The following KIAA1217 variants were observed in gnomAD, a reference collection of about 807,000 sequenced individuals.
The protein encoded by KIAA1217 is KIAA1217.
A neutral mutation model predicts 163.9 loss-of-function variants in KIAA1217; 88 were observed. The observed-to-expected ratio is 0.54, with a 90% CI of 0.45 to 0.64. The LOEUF (loss-of-function observed/expected upper bound fraction) is 0.64. Among genes scored for constraint, KIAA1217 ranks in the 30% least tolerant of loss-of-function variants. KIAA1217 has a pLI of 0.00. For missense variants in KIAA1217, 2,372 were observed against 2,475.0 expected (o/e 0.96, Z 0.88); for synonymous variants, 903 against 923.1 (o/e 0.98, Z 0.39).
intron 3 of KIAA1217, among the ~76,000 whole-genome samples, chr10:24,420,089 A>T (rs1463099215): frequency 2.0e-5 from 3 of 152,150 alleles, no homozygotes; most frequent in Non-Finnish European, 2.9e-5. Context: ...TAAAAGACGT[A>T]GCTAGGTATG....
In KIAA1217 at chr10:23,993,714, C is replaced by A. The variant is rs142720423; in HGVS notation, c.-320-13511C>A. ...GAAATTACAAGTGCATGCTACCACACCCAGCTAATTTTTGTGTTTTCATCA... is the reference window on the plus strand; with the variant it reads ...GAAATTACAAGTGCATGCTACCACAACCAGCTAATTTTTGTGTTTTCATCA... On this transcript the variant is annotated intron_variant, in intron 1 of 18. Transcript: ENST00000376462. Among the ~76,000 whole-genome samples, 148 of 151,906 alleles carry A rather than the reference C, an allele frequency of 9.7e-4. 1 individual carries two copies. Among genetic ancestry groups the A allele is most frequent in the African/African-American group, 3.4e-3 (139 of 41,394 alleles).
intron 1 of KIAA1217, among the ~76,000 whole-genome samples, chr10:23,934,037 G>T (rs1467274583): frequency 6.6e-6 from 1 of 152,136 alleles, no homozygotes; most frequent in African/African-American, 2.4e-5. Flanking sequence ...CCCATTCCTG[G>T]ATATGCACTC....
chr10:23,711,110 G>A (rs944187128), intron 1 of KIAA1217, among the ~76,000 whole-genome samples: 1 of 152,030 alleles, frequency 6.6e-6, no homozygotes, highest in Admixed American at 6.6e-5. Context: ...AGATCTTCTG[G>A]GCCATCCCCA....
chr10:24,135,923 A>G (rs947247305), intron 2 of KIAA1217, among the ~76,000 whole-genome samples: 1 of 152,220 alleles, frequency 6.6e-6, no homozygotes, highest in Non-Finnish European at 1.5e-5. Flanking sequence ...TATAGGTATT[A>G]CAACTTTCAT....
intron 3 of KIAA1217, among the ~76,000 whole-genome samples, chr10:24,411,906 G>A (rs796918065): frequency 6.6e-6 from 1 of 152,024 alleles, no homozygotes; most frequent in African/African-American, 2.4e-5. Context: ...TCGCTAATGG[G>A]AATTGATGCT....
rs929208823 is a variant in KIAA1217 at position 24,535,283 on chromosome 10, G to A, written c.3415-1491G>A. On this transcript the variant is annotated intron_variant, in intron 16 of 20. Coordinates refer to ENST00000376454, the MANE Select transcript of KIAA1217 (RefSeq NM_019590.5). The stretch of plus-strand genomic sequence containing the variant: ...AACAGCAAGGAGACCAGGTACAGCA[G>A]AGACAGGGGAGCAAACAGTCATGGA... Among the ~76,000 whole-genome samples, 4 of 152,318 alleles carry A rather than the reference G, an allele frequency of 2.6e-5. No homozygotes were observed. In the South Asian group the frequency reaches 8.3e-4, roughly 32 times the overall value.
chr10:23,945,815 G>T (rs779830319), intron 1 of KIAA1217, among the ~76,000 whole-genome samples: 23 of 152,088 alleles, frequency 1.5e-4, no homozygotes, highest in Non-Finnish European at 2.6e-4. Context: ...AATATGACAG[G>T]GGTGTGACAG....
intron 2 of KIAA1217, among the ~76,000 whole-genome samples, chr10:24,054,547 G>A (rs1043670902): frequency 6.6e-6 from 1 of 152,154 alleles, no homozygotes; most frequent in African/African-American, 2.4e-5. Flanking sequence ...AAAACTCCAG[G>A]CCAGGGTATT....
intron 1 of KIAA1217, among the ~76,000 whole-genome samples, chr10:23,882,791 C>G (rs1281204962): frequency 6.6e-6 from 1 of 151,914 alleles, no homozygotes; most frequent in East Asian, 1.9e-4. Flanking sequence ...AAACCCTGCT[C>G]TTTGTGAGGT....
At chr10:24,182,283 A>G (rs1233569198) in intron 2 of KIAA1217, among the ~76,000 whole-genome samples, 1 of 152,166 alleles carries the variant, frequency 6.6e-6, no homozygotes, top group African/African-American at 2.4e-5. Context: ...TAAAAATACG[A>G]AAATTAGCTG....
chr10:24,125,613 C>T (rs2063446077), intron 2 of KIAA1217, among the ~76,000 whole-genome samples: 1 of 152,050 alleles, frequency 6.6e-6, no homozygotes, highest in Non-Finnish European at 1.5e-5. Context: ...AAGATTTTCA[C>T]AATGCACTCC....
chr10:24,111,184 A>G (rs893183433), intron 2 of KIAA1217, among the ~76,000 whole-genome samples: 1 of 152,240 alleles, frequency 6.6e-6, no homozygotes, highest in African/African-American at 2.4e-5. Flanking sequence ...GAGCAAAAGA[A>G]TAATATCCTG....
chr10:24,423,429 C>T (rs947608731), intron 3 of KIAA1217, among the ~76,000 whole-genome samples: 53 of 151,898 alleles, frequency 3.5e-4, no homozygotes, highest in African/African-American at 1.0e-3. Flanking sequence ...GAATTACAGG[C>T]GCACACCACC....
rs536931456 is a variant in KIAA1217, at chr10:23,862,837, CT to C, written c.-320-144387del. On this transcript the variant is annotated intron_variant, in intron 1 of 18. Coordinates refer to the KIAA1217 transcript ENST00000376462. The stretch of plus-strand genomic sequence containing the variant: ...GAAGCAAGATATTCTAACTGCTTTT[CT>C]GTTTTTCTTCTTGCCTTGATGCTAC... Among the ~76,000 whole-genome samples the C allele has an allele frequency of 2.1e-4, 32 of 152,110 alleles. 1 individual carries two copies. The highest frequency in any genetic ancestry group is 5.3e-4 in the African/African-American group (22 of 41,520).
chr10:24,522,620 A>G (rs2071456391), intron 12 of KIAA1217, among the ~76,000 whole-genome samples: 1 of 152,236 alleles, frequency 6.6e-6, no homozygotes, highest in Non-Finnish European at 1.5e-5. Context: ...ACCAAAAGAC[A>G]TTCAGGAATT....
intron 1 of KIAA1217, among the ~76,000 whole-genome samples, chr10:23,834,155 CT>C (rs1381232097): frequency 6.6e-6 from 1 of 152,030 alleles, no homozygotes; most frequent in African/African-American, 2.4e-5. Context: ...GTGAGAAAAT[CT>C]TGCTTTTTAT....
At chr10:24,296,354 C>T (rs950513653) in intron 2 of KIAA1217, among the ~76,000 whole-genome samples, 6 of 152,112 alleles carry the variant, frequency 3.9e-5, no homozygotes, top group Admixed American at 6.5e-5. Context: ...GCAGTCCTCC[C>T]GCCTAGGCTT....
intron 2 of KIAA1217, among the ~76,000 whole-genome samples, chr10:24,194,844 G>A (rs543066598): frequency 7.0e-6 from 1 of 142,206 alleles, no homozygotes; most frequent in South Asian, 2.3e-4. Flanking sequence ...CTGACCTCAA[G>A]TGATCCTCCA....
At chr10:24,505,654 C>G (rs80218942) in intron 9 of KIAA1217, among the ~76,000 whole-genome samples, 1 of 151,896 alleles carries the variant, frequency 6.6e-6, no homozygotes, top group Non-Finnish European at 1.5e-5. Context: ...GAGAGGATGG[C>G]GACCTCCTAC....
Sources: allele counts gnomAD v4.1 joint callset (sites outside exome capture counted in the v4.1 genomes callset), GRCh38; gene constraint gnomAD v4.1.1; transcripts MANE v1.5; gene names NCBI Gene and HGNC (gene_info 2026-07-23, HGNC 2026-07-21).